The following HUNK variants were observed in gnomAD, a reference collection of about 807,000 sequenced individuals.
HUNK encodes hormonally up-regulated Neu-associated kinase.
HUNK carries 21 observed loss-of-function variants against 61.0 expected under a neutral mutation model. The ratio of observed to expected loss-of-function variants is 0.34; its 90% confidence interval spans 0.24 to 0.50. The LOEUF is 0.50. Among genes scored for constraint, HUNK ranks in the 20% least tolerant of loss-of-function variants. The pLI, the probability that HUNK is intolerant of heterozygous loss-of-function variation, is 0.98. For synonymous variants in HUNK, 371 were observed against 386.1 expected, an observed-to-expected ratio of 0.96 and a Z score of 0.46; for missense variants, 772 against 945.7, an observed-to-expected ratio of 0.82 and a Z score of 2.41.
chr21:31,954,394 A>ATAAAC (rs1196425112), intron 4 of HUNK, among the ~76,000 whole-genome samples: 1 of 152,272 alleles, frequency 6.6e-6, no homozygotes, highest in Non-Finnish European at 1.5e-5. Context: ...AATGTTAGTT[A>ATAAAC]TAAGTACATG....
At chr21:31,919,981 C>A (rs1039948258) in intron 1 of HUNK, among the ~76,000 whole-genome samples, 1 of 152,292 alleles carries the variant, frequency 6.6e-6, no homozygotes, top group Middle Eastern at 3.4e-3. Flanking sequence ...CTTAAAGTAA[C>A]AAATTGATTC....
intron 8 of HUNK, among the ~76,000 whole-genome samples, chr21:31,987,239 G>A (rs547858845): frequency 3.3e-4 from 51 of 152,308 alleles, no homozygotes; most frequent in African/African-American, 6.3e-4. Context: ...CCAAATGGCC[G>A]TGCCTTACGG....
intron 1 of HUNK, among the ~76,000 whole-genome samples, chr21:31,881,668 A>G (rs1275787952): frequency 6.6e-6 from 1 of 152,128 alleles, no homozygotes; most frequent in African/African-American, 2.4e-5. Context: ...AAAGAAATAT[A>G]CAAATTATTG....
At chr21:31,952,524 C>T (rs927336226) in intron 4 of HUNK, among the ~76,000 whole-genome samples, 1 of 152,144 alleles carries the variant, frequency 6.6e-6, no homozygotes. Context: ...AAATTGCCAG[C>T]GACTTCTCCA....
At chr21:31,896,748 A>G (rs1352403263) in intron 1 of HUNK, among the ~76,000 whole-genome samples, 1 of 152,186 alleles carries the variant, frequency 6.6e-6, no homozygotes, top group African/African-American at 2.4e-5. Flanking sequence ...AAAGCTCTTT[A>G]TATTGTTTGT....
chr21:31,878,116 A>T (rs2052279197), intron 1 of HUNK, among the ~76,000 whole-genome samples: 1 of 151,670 alleles, frequency 6.6e-6, no homozygotes, highest in Non-Finnish European at 1.5e-5. Flanking sequence ...AAAATTAGCC[A>T]GGTGTGGTGG....
In HUNK at chr21:31,974,733, G is replaced by A. The variant is rs780932641; in HGVS notation, c.1173+16G>A. 6.2e-7 allele frequency: 1 copy of A among 1,602,498 alleles called. No individual in the cohort carries two copies. On this transcript the variant is annotated intron_variant, in intron 7 of 10. Transcript: ENST00000270112. The stretch of plus-strand genomic sequence containing the variant: ...TTTGTCAGGGGTAAGTGCGACCCTA[G>A]AGGCGATCGTCTCTGCTGTCTGTGG...
At chr21:31,983,718 C>T in intron 8 of HUNK, 109 bp downstream of exon 8, 1 of 764,766 alleles carries the variant, frequency 1.3e-6, no homozygotes, top group Non-Finnish European at 2.2e-6. Context: ...TAGCAAAAGA[C>T]ACATACTTAC....
chr21:31,874,058 G>T (rs1433608359), intron 1 of HUNK, 123 bp downstream of exon 1: 5 of 713,576 alleles, frequency 7.0e-6, no homozygotes, highest in African/African-American at 1.8e-5. Context: ...TTCCCCCTCC[G>T]CCCGGCTTTC....
chr21:31,932,725 GCCTTCTGAACC>G (rs1025118351), intron 2 of HUNK, among the ~76,000 whole-genome samples: 3 of 151,964 alleles, frequency 2.0e-5, no homozygotes, highest in Non-Finnish European at 4.4e-5. Context: ...GGGTCCTGAA[GCCTTCTGAACC>G]CACACCACTG....
chr21:31,965,594 CT>C (rs71193162), intron 5 of HUNK, among the ~76,000 whole-genome samples: 5,008 of 127,480 alleles, frequency 0.039, 192 homozygotes, highest in African/African-American at 0.11. Context: ...CTTTGTTTTT[CT>C]TTTTTTTTTT....
At chr21:31,890,431 G>T (rs1483733529) in intron 1 of HUNK, among the ~76,000 whole-genome samples, 1 of 152,146 alleles carries the variant, frequency 6.6e-6, no homozygotes, top group Non-Finnish European at 1.5e-5. Flanking sequence ...ATTTCACCAT[G>T]TTGGTCAGGC....
chr21:31,918,121 AT>A (rs1027711776), intron 1 of HUNK, among the ~76,000 whole-genome samples: 12 of 151,752 alleles, frequency 7.9e-5, no homozygotes, highest in South Asian at 4.2e-4. Flanking sequence ...TTTCCCATTC[AT>A]TTTTTTTCCC....
intron 1 of HUNK, among the ~76,000 whole-genome samples, chr21:31,891,465 G>A (rs866444532): frequency 1.3e-5 from 2 of 152,210 alleles, no homozygotes; most frequent in East Asian, 3.8e-4. Context: ...CCCGTGATTG[G>A]CCCAGACTCT....
intron 1 of HUNK, among the ~76,000 whole-genome samples, chr21:31,883,235 G>A (rs182028817): frequency 6.6e-6 from 1 of 152,168 alleles, no homozygotes; most frequent in African/African-American, 2.4e-5. Flanking sequence ...ATTTATAAGG[G>A]TTCCCAACTT....
At chr21:31,958,146 C>T (rs2052902004) in intron 4 of HUNK, among the ~76,000 whole-genome samples, 3 of 152,018 alleles carry the variant, frequency 2.0e-5, no homozygotes, top group African/African-American at 7.2e-5. Context: ...TTGTTGTTGA[C>T]TTCTTCCTGC....
Position 31,913,935 on chromosome 21 carries a change from C to T in HUNK, c.262-10533C>T, listed in dbSNP as rs537490371. Among the ~76,000 whole-genome samples the T allele has an allele frequency of 6.6e-5, 10 of 152,148 alleles. No individual in the cohort carries two copies. The South Asian group carries it at 1.2e-3, about 19-fold the overall frequency. The stretch of plus-strand genomic sequence containing the variant: ...CCGGGGCAGGGGCTGTCTGGGCTTC[C>T]GTGTCTACCCACTCCTCTGAACCAA... On this transcript the variant is annotated intron_variant, in intron 1 of 10. Transcript: ENST00000270112.
At chr21:31,889,376 C>G (rs888900774) in intron 1 of HUNK, among the ~76,000 whole-genome samples, 1 of 152,048 alleles carries the variant, frequency 6.6e-6, no homozygotes, top group African/African-American at 2.4e-5. Flanking sequence ...TTTATCTGAG[C>G]CCTACTTTAG....
At chr21:31,925,924 ATTT>A (rs60079886) in intron 2 of HUNK, among the ~76,000 whole-genome samples, 3 of 144,002 alleles carry the variant, frequency 2.1e-5, no homozygotes, top group Non-Finnish European at 4.6e-5. Context: ...AACCAGAAAT[ATTT>A]TTTTTTTTTT....
Sources: allele counts gnomAD v4.1 joint callset (sites outside exome capture counted in the v4.1 genomes callset), GRCh38; gene constraint gnomAD v4.1.1; transcripts MANE v1.5; gene names NCBI Gene and HGNC (gene_info 2026-07-23, HGNC 2026-07-21).